Variants in MYLK4 observed in about 807,000 individuals in gnomAD.
MYLK4 encodes myosin light chain kinase family member 4, also known as caMLCK like.
MYLK4 carries 46 observed loss-of-function variants against 48.1 expected under a neutral mutation model. The ratio of observed to expected loss-of-function variants is 0.96; its 90% CI spans 0.75 to 1.22. The LOEUF is 1.22. MYLK4 is among the 50% of genes most tolerant of loss of function. MYLK4 has a pLI of 0.00. For synonymous variants in MYLK4, 170 were observed against 180.8 expected (o/e 0.94, Z 0.48); for missense variants, 451 against 486.1 (o/e 0.93, Z 0.68).
intron 2 of MYLK4, among the ~76,000 whole-genome samples, chr6:2,741,520 A>G (rs1582123158): frequency 6.6e-6 from 1 of 152,306 alleles, no homozygotes; most frequent in East Asian, 1.9e-4. Context: ...ATGGGCAGGT[A>G]CCTATACACA....
intron 2 of MYLK4, among the ~76,000 whole-genome samples, chr6:2,731,899 G>A (rs1763491251): frequency 6.6e-6 from 1 of 152,220 alleles, no homozygotes; most frequent in Non-Finnish European, 1.5e-5. Flanking sequence ...CAGCAAGTAG[G>A]TGACCATGGC....
At chr6:2,765,531 G>C in the MYLK4 span, 4 of 1,305,282 alleles carry the variant, frequency 3.1e-6, no homozygotes, top group Non-Finnish European at 3.9e-6. Context: ...CGAGGGTCTC[G>C]CGGCGCGGGG....
intron 2 of MYLK4, among the ~76,000 whole-genome samples, chr6:2,733,251 G>A (rs1763542138): frequency 6.6e-6 from 1 of 152,222 alleles, no homozygotes; most frequent in African/African-American, 2.4e-5. Context: ...CTAGGTATAA[G>A]AGAACCAAAT....
chr6:2,745,810 A>G (rs1764066411), intron 2 of MYLK4, among the ~76,000 whole-genome samples: 1 of 151,998 alleles, frequency 6.6e-6, no homozygotes, highest in African/African-American at 2.4e-5. Context: ...GCCTAGTCCC[A>G]GCTACTTGGG....
chr6:2,738,170 A>G (rs1194811409), intron 2 of MYLK4, among the ~76,000 whole-genome samples: 1 of 152,184 alleles, frequency 6.6e-6, no homozygotes, highest in Non-Finnish European at 1.5e-5. Context: ...AAAACATGTG[A>G]GTAGGCAACC....
chr6:2,688,993 G>C, intron 3 of MYLK4, 37 bp from the exon 4 acceptor site: 1 of 1,566,908 alleles, frequency 6.4e-7, no homozygotes, highest in East Asian at 2.2e-5. Context: ...AATCTGTCAA[G>C]AAGTCTGACC....
intron 2 of MYLK4, among the ~76,000 whole-genome samples, chr6:2,746,987 C>T (rs1764115136): frequency 6.6e-6 from 1 of 152,248 alleles, no homozygotes; most frequent in Non-Finnish European, 1.5e-5. Flanking sequence ...ATGCACCTAT[C>T]CATTCTCCAC....
the MYLK4 span, chr6:2,765,412 G>C: frequency 2.2e-6 from 1 of 455,264 alleles, no homozygotes; most frequent in Non-Finnish European, 3.4e-6. Flanking sequence ...GACACGCCGC[G>C]TGAGGCGCTG....
chr6:2,678,417 A>G, intron 9 of MYLK4, 45 bp from the exon 10 acceptor site: 1 of 1,600,730 alleles, frequency 6.2e-7, no homozygotes, highest in Non-Finnish European at 8.5e-7. Context: ...AAACAGCCTC[A>G]ACCCCTTTCC....
intron 10 of MYLK4, among the ~76,000 whole-genome samples, chr6:2,676,126 A>G (rs1761074812): frequency 6.6e-6 from 1 of 152,054 alleles, no homozygotes; most frequent in Non-Finnish European, 1.5e-5. Flanking sequence ...ACAAACAAAC[A>G]AACAAAAAAC....
rs907314722 is a variant in MYLK4, at chr6:2,673,998, C to A, written c.1119+1049G>T. Among the ~76,000 whole-genome samples the A allele has an allele frequency of 1.3e-5, 2 of 152,144 alleles. No individual in the cohort carries two copies. Among genetic ancestry groups the A allele is most frequent in the African/African-American group, 2.4e-5 (1 of 41,426 alleles). ...CATGGGCATCCTTCCCTAAGAGGATCACTGATGGTGAGGCAAGGGGCAGGG... is the reference window on the plus strand; with the variant it reads ...CATGGGCATCCTTCCCTAAGAGGATAACTGATGGTGAGGCAAGGGGCAGGG... On this transcript the variant is annotated intron_variant, in intron 11 of 12. Coordinates refer to ENST00000274643, the MANE Select transcript of MYLK4 (RefSeq NM_001012418.5). The surrounding 1 kb of genome is among the most constrained non-coding windows in gnomAD (Gnocchi z 4.2).
the MYLK4 span, chr6:2,768,646 G>C: frequency 5.1e-4 from 778 of 1,526,442 alleles, 1 homozygote; most frequent in Non-Finnish European, 6.6e-4. Context: ...TGGTCTCTCT[G>C]TGTCTTACCA....
intron 2 of MYLK4, among the ~76,000 whole-genome samples, chr6:2,737,992 T>C (rs9392422): frequency 0.019 from 195 of 10,000 alleles, 18 homozygotes; most frequent in African/African-American, 0.057. Flanking sequence ...GGGGGGGGGG[T>C]GGTCAATGTT....
chr6:2,674,575 T>C (rs1761012530), intron 11 of MYLK4, among the ~76,000 whole-genome samples: 1 of 152,192 alleles, frequency 6.6e-6, no homozygotes, highest in Non-Finnish European at 1.5e-5. Context: ...TGTAAACTGC[T>C]CAAAAAAGCA....
At chr6:2,725,862 C>G (rs892903902) in intron 2 of MYLK4, among the ~76,000 whole-genome samples, 13 of 152,212 alleles carry the variant, frequency 8.5e-5, no homozygotes, top group African/African-American at 2.9e-4. Context: ...GTGAGTGCCT[C>G]TCACTCAGCC....
At chr6:2,676,002 G>A (rs1418819362) in intron 10 of MYLK4, among the ~76,000 whole-genome samples, 1 of 149,596 alleles carries the variant, frequency 6.7e-6, no homozygotes, top group African/African-American at 2.5e-5. Context: ...TGAGGAAGGA[G>A]AATCACGTGA....
At chr6:2,687,328 G>A (rs2113148052) in intron 4 of MYLK4, among the ~76,000 whole-genome samples, 1 of 152,344 alleles carries the variant, frequency 6.6e-6, no homozygotes, top group Admixed American at 6.5e-5. Flanking sequence ...CTTATTTGCT[G>A]AGTGAATTAC....
intron 2 of MYLK4, among the ~76,000 whole-genome samples, chr6:2,720,360 C>T (rs1041992879): frequency 5.3e-5 from 8 of 151,684 alleles, no homozygotes; most frequent in Non-Finnish European, 8.8e-5. Context: ...GCCGAGATCG[C>T]GCCACTACAC....
At chr6:2,697,376 G>C (rs7760687) in intron 2 of MYLK4, among the ~76,000 whole-genome samples, 3 of 152,160 alleles carry the variant, frequency 2.0e-5, no homozygotes, top group African/African-American at 7.2e-5. Flanking sequence ...CATCGCTTGC[G>C]TGCCAGTTTT....
Sources: allele counts gnomAD v4.1 joint callset (sites outside exome capture counted in the v4.1 genomes callset), GRCh38; gene constraint gnomAD v4.1.1; non-coding constraint Gnocchi (gnomAD v3.1); transcripts MANE v1.5; gene names NCBI Gene and HGNC (gene_info 2026-07-23, HGNC 2026-07-21).